The following CADM1 variants were observed in gnomAD, a reference collection of about 807,000 sequenced individuals.
CADM1 encodes the protein TSLC-1.
In CADM1, 15 loss-of-function variants were observed where a neutral mutation model predicts 53.1. The observed-to-expected ratio is 0.28, with a 90% CI of 0.19 to 0.44. The LOEUF is 0.44. Among genes scored for constraint, CADM1 ranks in the 20% least tolerant of loss-of-function variants. CADM1 has a pLI of 1.00. For missense variants in CADM1, 434 were observed against 611.3 expected, an observed-to-expected ratio of 0.71 and a Z score of 3.06; for synonymous variants, 281 against 243.0, an observed-to-expected ratio of 1.16 and a Z score of -1.45.
chr11:115,326,969 G>A (rs995274102), intron 1 of CADM1, among the ~76,000 whole-genome samples: 1 of 152,120 alleles, frequency 6.6e-6, no homozygotes, highest in Non-Finnish European at 1.5e-5. Context: ...GTACTTACTT[G>A]AAGATTGTAT....
At chr11:115,503,600 T>C (rs1309147795) in intron 1 of CADM1, among the ~76,000 whole-genome samples, 3 of 151,922 alleles carry the variant, frequency 2.0e-5, no homozygotes, top group Non-Finnish European at 4.4e-5. Context: ...TTTCCCCGCC[T>C]GGAGCCGGGC....
chr11:115,185,119 G>T (rs1466561926), intron 10 of CADM1, among the ~76,000 whole-genome samples: 1 of 152,196 alleles, frequency 6.6e-6, no homozygotes, highest in Admixed American at 6.5e-5. Flanking sequence ...TTCATTTCCT[G>T]AGCCAAATGA....
intron 1 of CADM1, among the ~76,000 whole-genome samples, chr11:115,356,783 AATATAC>A (rs1370885243): frequency 6.6e-6 from 1 of 152,200 alleles, no homozygotes; most frequent in Non-Finnish European, 1.5e-5. Context: ...ACTACTATAA[AATATAC>A]ACACGAGACA....
At chr11:115,322,134 T>A (rs1273371558) in intron 1 of CADM1, among the ~76,000 whole-genome samples, 1 of 152,168 alleles carries the variant, frequency 6.6e-6, no homozygotes, top group East Asian at 1.9e-4. Context: ...GGACAGAAGC[T>A]TCAATTCGTG....
intron 1 of CADM1, among the ~76,000 whole-genome samples, chr11:115,266,184 C>CTTATTG (rs1943130552): frequency 1.3e-5 from 2 of 152,224 alleles, no homozygotes; most frequent in African/African-American, 4.8e-5. Flanking sequence ...AGGGGCTGGA[C>CTTATTG]TGCACCAGTT....
chr11:115,210,895 C>T (rs952527142), intron 7 of CADM1, among the ~76,000 whole-genome samples: 14 of 152,192 alleles, frequency 9.2e-5, no homozygotes, highest in African/African-American at 3.1e-4. Context: ...AATTGCTTCT[C>T]TCACACAAAC....
In CADM1 at chr11:115,369,584, G is replaced by A. The variant is rs983847096; in HGVS notation, c.125-129164C>T. The stretch of plus-strand genomic sequence containing the variant: ...TTACAAAGTAAATTAAAATATAAAA[G>A]TATAATCCCACATAAAATTCTGAAC... On this transcript the variant is annotated intron_variant, in intron 1 of 11. Coordinates refer to ENST00000331581, the MANE Select transcript of CADM1 (RefSeq NM_001301043.2). Among the ~76,000 whole-genome samples the A allele has an allele frequency of 3.3e-5, 5 of 152,260 alleles. No individual in the cohort carries two copies. The East Asian group carries it at 9.7e-4, about 29-fold the overall frequency.
At chr11:115,177,661 C>T (rs750785761) in intron 11 of CADM1, among the ~76,000 whole-genome samples, 2 of 151,814 alleles carry the variant, frequency 1.3e-5, no homozygotes, top group South Asian at 2.1e-4. Context: ...CTGGCCTTAC[C>T]TCCTGTCTCT....
chr11:115,296,800 T>C (rs528130104), intron 1 of CADM1, among the ~76,000 whole-genome samples: 4 of 152,300 alleles, frequency 2.6e-5, no homozygotes, highest in African/African-American at 7.2e-5. Flanking sequence ...TAGAAATCAA[T>C]GTATAATGTT....
intron 2 of CADM1, among the ~76,000 whole-genome samples, chr11:115,238,976 T>C (rs986100197): frequency 6.6e-6 from 1 of 152,100 alleles, no homozygotes; most frequent in Non-Finnish European, 1.5e-5. Context: ...ATACATGTTT[T>C]CAGGTTTTAT....
At chr11:115,309,212 A>C (rs1944468977) in intron 1 of CADM1, among the ~76,000 whole-genome samples, 1 of 152,124 alleles carries the variant, frequency 6.6e-6, no homozygotes, top group Admixed American at 6.6e-5. Flanking sequence ...CCAGTGACTA[A>C]ATTTAAATAA....
At chr11:115,343,707 TCATA>T (rs1039788324) in intron 1 of CADM1, among the ~76,000 whole-genome samples, 1 of 139,806 alleles carries the variant, frequency 7.2e-6, no homozygotes, top group African/African-American at 2.6e-5. Context: ...CAAATCTGTA[TCATA>T]CAGATTGTAA....
At chr11:115,240,237 A>C in intron 2 of CADM1, 37 bp downstream of exon 2, 1 of 1,607,322 alleles carries the variant, frequency 6.2e-7, no homozygotes. Context: ...TGTAGGTAAA[A>C]AAGTTGCCAT....
chr11:115,482,300 G>T (rs532613116), intron 1 of CADM1, among the ~76,000 whole-genome samples: 2 of 152,116 alleles, frequency 1.3e-5, no homozygotes, highest in South Asian at 2.1e-4. Context: ...ATGGTTCTTG[G>T]CACATGGTAT....
chr11:115,484,650 C>T (rs1949330717), intron 1 of CADM1, among the ~76,000 whole-genome samples: 1 of 151,980 alleles, frequency 6.6e-6, no homozygotes, highest in African/African-American at 2.4e-5. Context: ...GAAATGGACT[C>T]CAATATAAAA....
chr11:115,478,883 T>C (rs1175572051), intron 1 of CADM1, among the ~76,000 whole-genome samples: 1 of 152,158 alleles, frequency 6.6e-6, no homozygotes, highest in Non-Finnish European at 1.5e-5. Context: ...TACCAAGTAT[T>C]CCATTGTATG....
Position 115,237,664 on chromosome 11 carries a change from C to T in CADM1, c.424+836G>A, listed in dbSNP as rs575721209. ...TGTAAATCAGAGATCTTGCCTCATG[C>T]TATAGTGTATGTCCTTGAAAATTCA... On this transcript the variant is annotated intron_variant, in intron 3 of 11. Coordinates refer to ENST00000331581, the MANE Select transcript of CADM1 (RefSeq NM_001301043.2). Among the ~76,000 whole-genome samples the T allele has an allele frequency of 8.5e-5, 13 of 152,114 alleles. No individual in the cohort carries two copies. The South Asian group carries it at 2.5e-3, about 29-fold the overall frequency.
intron 1 of CADM1, among the ~76,000 whole-genome samples, chr11:115,417,895 C>T (rs57427040): frequency 0.027 from 4,068 of 152,282 alleles, 193 homozygotes; most frequent in African/African-American, 0.092. Flanking sequence ...ACATACAAGT[C>T]ACCCTAAAGC....
chr11:115,308,102 C>T (rs1333712113), intron 1 of CADM1, among the ~76,000 whole-genome samples: 1 of 150,786 alleles, frequency 6.6e-6, no homozygotes, highest in East Asian at 2.0e-4. Flanking sequence ...TCTACATGAA[C>T]TCCTAAAATG....
Sources: allele counts gnomAD v4.1 joint callset (sites outside exome capture counted in the v4.1 genomes callset), GRCh38; gene constraint gnomAD v4.1.1; transcripts MANE v1.5; gene names NCBI Gene and HGNC (gene_info 2026-07-23, HGNC 2026-07-21).